Variants in GPATCH2 observed in about 807,000 individuals in gnomAD.
GPATCH2 encodes G-patch domain containing 2.
A neutral mutation model predicts 58.0 loss-of-function variants in GPATCH2; 51 were observed. The ratio of observed to expected loss-of-function variants is 0.88; its 90% confidence interval spans 0.70 to 1.11. The LOEUF is 1.11. Ranked by LOEUF, GPATCH2 falls within the 50% of genes most tolerant of loss-of-function variation. GPATCH2 has a pLI of 0.00. For missense variants in GPATCH2, 625 were observed against 652.2 expected (o/e 0.96, Z 0.45); for synonymous variants, 222 against 218.5 (o/e 1.02, Z -0.14).
intron 8 of GPATCH2, among the ~76,000 whole-genome samples, chr1:217,480,525 C>G (rs1227164562): frequency 1.3e-5 from 2 of 152,118 alleles, no homozygotes; most frequent in African/African-American, 2.4e-5. Flanking sequence ...AAAGGGAACC[C>G]TTTAATGTTG....
At chr1:217,485,944 A>G (rs1376372109) in intron 8 of GPATCH2, among the ~76,000 whole-genome samples, 2 of 152,196 alleles carry the variant, frequency 1.3e-5, no homozygotes, top group Admixed American at 6.5e-5. Flanking sequence ...TAGCTTTATA[A>G]TAAAGTCTTC....
Position 217,467,203 on chromosome 1 carries a change from G to A in GPATCH2, c.1278-17866C>T, listed in dbSNP as rs182175744. Among the ~76,000 whole-genome samples the A allele has an allele frequency of 3.3e-5, 5 of 152,242 alleles. No individual in the cohort carries two copies. In the East Asian group the frequency reaches 5.8e-4, roughly 18 times the overall value. ...AAAGCAAAACAAAACCCATTTTGGG[G>A]AAGAAACAAATGGAGGGAACCAGGT... On this transcript the variant is annotated intron_variant, in intron 8 of 9. Transcript: ENST00000366935.
At position 217,572,030 on chromosome 1, in the gene GPATCH2, TAGGG is replaced by T. The variant is rs752628291; in HGVS notation, c.1098+38287_1098+38290del. 1.3e-3 allele frequency among the ~76,000 whole-genome samples: 103 copies of T among 79,510 alleles called. 1 individual carries two copies. The highest frequency in any genetic ancestry group is 4.6e-3 in the African/African-American group (97 of 20,882). 52.2% of individuals were successfully genotyped at this position (79,510 alleles called of 152,430 possible). A position where few individuals can be genotyped will look rare whatever the true frequency, so the allele number is the denominator to read the frequency against. The stretch of plus-strand genomic sequence containing the variant: ...GAAGGAAGGAAGGAAGGAAGGGAGG[TAGGG>T]AGGGAGGGAGGGAGAGGGAGAGAAA... On this transcript the variant is annotated intron_variant, in intron 5 of 9. Transcript: ENST00000366935.
rs1168175978 is a variant in GPATCH2 at position 217,584,330 on chromosome 1, TA to T, written c.1098+25990del. Among the ~76,000 whole-genome samples, 44 of 89,782 alleles carry T rather than the reference TA, an allele frequency of 4.9e-4. 2 individuals are homozygous for T. Among genetic ancestry groups the T allele is most frequent in the Middle Eastern group, 5.3e-3 (1 of 190 alleles). 58.9% of individuals were successfully genotyped at this position (89,782 alleles called of 152,430 possible). ...CAACATGGTGAAACCTCACCTCTAC[TA>T]AAAAAAAAAAAAAATATATATATAT... On this transcript the variant is annotated intron_variant, in intron 5 of 9. Transcript: ENST00000366935.
chr1:217,460,661 T>A (rs1395352522), intron 8 of GPATCH2, among the ~76,000 whole-genome samples: 2 of 152,254 alleles, frequency 1.3e-5, no homozygotes, highest in African/African-American at 4.8e-5. Context: ...GACACCTCTC[T>A]GCACACATCA....
intron 6 of GPATCH2, among the ~76,000 whole-genome samples, chr1:217,509,343 T>G (rs1238702431): frequency 6.6e-6 from 1 of 152,012 alleles, no homozygotes; most frequent in African/African-American, 2.4e-5. Context: ...TTTTTCATCC[T>G]CTAAATATAA....
intron 5 of GPATCH2, among the ~76,000 whole-genome samples, chr1:217,606,532 G>C (rs558774818): frequency 1.1e-4 from 17 of 152,102 alleles, no homozygotes; most frequent in Non-Finnish European, 2.2e-4. Flanking sequence ...CTTGAGCCCA[G>C]GAGTTTGATA....
In GPATCH2 at chr1:217,431,099, G is replaced by A. The variant is rs1334655730; in HGVS notation, c.*46C>T. ...AGTCATGTTATCATTTTAGAACAAT[G>A]GGACATAGTGAATAAAGTCTGTAAA... On this transcript the variant is annotated 3_prime_UTR_variant, in exon 10 of 10. Coordinates refer to ENST00000366935, the MANE Select transcript of GPATCH2 (RefSeq NM_018040.5). The A allele has an allele frequency of 3.2e-6, 3 of 933,576 alleles. No individual in the cohort carries two copies. The highest frequency in any genetic ancestry group is 1.6e-5 in the African/African-American group (1 of 61,996). The allele number at this position is 933,576 out of a possible 1,614,324, so 57.8% of individuals were successfully genotyped here.
chr1:217,580,143 G>A (rs987718173), intron 5 of GPATCH2, among the ~76,000 whole-genome samples: 9 of 152,080 alleles, frequency 5.9e-5, no homozygotes, highest in African/African-American at 1.9e-4. Context: ...CAACAGACAA[G>A]CACAAGAACT....
rs149380539 is a variant in GPATCH2, at chr1:217,577,322, A to C, written c.1098+32999T>G. 9.3e-4 allele frequency among the ~76,000 whole-genome samples: 142 copies of C among 152,330 alleles called. 1 individual carries two copies. The highest frequency in any genetic ancestry group is 3.2e-3 in the African/African-American group (134 of 41,586). On this transcript the variant is annotated intron_variant, in intron 5 of 9. Transcript: ENST00000366935. ...CACTTTTATTGTGAGAGGTGGCAGT[A>C]TACTGTAATATTTAAGAGCATGATC...
At chr1:217,544,662 A>T (rs1198089246) in intron 5 of GPATCH2, among the ~76,000 whole-genome samples, 1 of 152,202 alleles carries the variant, frequency 6.6e-6, no homozygotes, top group Non-Finnish European at 1.5e-5. Context: ...GCAAGTGGGC[A>T]ATCCCAACAG....
At position 217,449,232 on chromosome 1, in the gene GPATCH2, C is replaced by T. The variant is rs1315094273; in HGVS notation, c.1366+17G>A. On this transcript the variant is annotated intron_variant, in intron 9 of 9. Coordinates refer to ENST00000366935, the MANE Select transcript of GPATCH2 (RefSeq NM_018040.5). Reference sequence around the variant, plus strand: ...ACTCTACATTTGTGCTCCACTCTAACCCTGCTTTTGTTTTACCTGCAGTAG... The same window carrying T: ...ACTCTACATTTGTGCTCCACTCTAATCCTGCTTTTGTTTTACCTGCAGTAG... 3 of 1,392,948 alleles carry T rather than the reference C, an allele frequency of 2.2e-6. No individual in the cohort carries two copies. Among genetic ancestry groups the T allele is most frequent in the East Asian group, 2.3e-5 (1 of 43,766 alleles). 86.3% of individuals were successfully genotyped at this position (1,392,948 alleles called of 1,614,324 possible).
At chr1:217,454,078 TG>T (rs1659803411) in intron 8 of GPATCH2, among the ~76,000 whole-genome samples, 1 of 152,072 alleles carries the variant, frequency 6.6e-6, no homozygotes, top group Admixed American at 6.6e-5. Flanking sequence ...GAGATAAGGA[TG>T]GGGGTTGGGA....
At chr1:217,568,474 G>C (rs995827709) in intron 5 of GPATCH2, among the ~76,000 whole-genome samples, 5 of 152,042 alleles carry the variant, frequency 3.3e-5, no homozygotes, top group African/African-American at 1.2e-4. Context: ...TAAGTACTAT[G>C]GGGGAAAAAA....
At chr1:217,528,749 C>G (rs768834838) in intron 5 of GPATCH2, among the ~76,000 whole-genome samples, 4 of 152,168 alleles carry the variant, frequency 2.6e-5, no homozygotes, top group Admixed American at 6.5e-5. Context: ...GGAGGCCAGA[C>G]AGATAGCCTG....
chr1:217,544,700 T>C (rs548302112), intron 5 of GPATCH2, among the ~76,000 whole-genome samples: 2 of 152,324 alleles, frequency 1.3e-5, no homozygotes, highest in South Asian at 4.1e-4. Flanking sequence ...CTTCGGTTCT[T>C]CACATAAGGC....
chr1:217,614,286 G>T, intron 2 of GPATCH2, 84 bp from the exon 3 acceptor site: 1 of 763,810 alleles, frequency 1.3e-6, no homozygotes, highest in Non-Finnish European at 2.3e-6. Context: ...TGGCAGCTCA[G>T]AGATGGAACT....
intron 5 of GPATCH2, among the ~76,000 whole-genome samples, chr1:217,571,581 A>C (rs1666542404): frequency 7.3e-6 from 1 of 136,938 alleles, no homozygotes; most frequent in African/African-American, 2.7e-5. Context: ...GGTGAAAAAT[A>C]ACTGAAAGAA....
intron 8 of GPATCH2, among the ~76,000 whole-genome samples, chr1:217,457,965 C>A (rs1225824105): frequency 2.0e-5 from 3 of 152,124 alleles, no homozygotes; most frequent in Non-Finnish European, 4.4e-5. Context: ...CGGTGGCTCA[C>A]GCCTGTAATC....
Sources: allele counts gnomAD v4.1 joint callset (sites outside exome capture counted in the v4.1 genomes callset), GRCh38; gene constraint gnomAD v4.1.1; transcripts MANE v1.5; gene names NCBI Gene and HGNC (gene_info 2026-07-23, HGNC 2026-07-21).